The following WWP1 variants were observed in gnomAD, a reference collection of about 807,000 sequenced individuals.
WWP1 encodes WW domain containing E3 ubiquitin protein ligase 1, also known as NEDD4-like E3 ubiquitin-protein ligase WWP1.
A neutral mutation model predicts 130.6 loss-of-function variants in WWP1; 49 were observed. That is an observed-to-expected ratio of 0.38 (90% CI 0.30 to 0.48). The LOEUF is 0.48. Ranked by LOEUF, WWP1 falls within the 20% of genes least tolerant of loss-of-function variation. The pLI is 0.99. For synonymous variants in WWP1, 332 were observed against 367.8 expected, an observed-to-expected ratio of 0.90 and a Z score of 1.11; for missense variants, 809 against 1,100.6, an observed-to-expected ratio of 0.74 and a Z score of 3.75.
chr8:86,433,594 C>T (rs1810115408), intron 14 of WWP1, among the ~76,000 whole-genome samples: 1 of 151,750 alleles, frequency 6.6e-6, no homozygotes, highest in South Asian at 2.1e-4. Flanking sequence ...CCAGCTCTAC[C>T]TGTGATATTC....
chr8:86,351,995 G>T (rs866065871), intron 1 of WWP1, among the ~76,000 whole-genome samples: 2 of 149,604 alleles, frequency 1.3e-5, no homozygotes, highest in African/African-American at 2.5e-5. Flanking sequence ...GTCCTAGTGT[G>T]CTCTGTCAGA....
At chr8:86,430,798 CATATAT>C (rs36226595) in intron 12 of WWP1, 47 bp downstream of exon 12, 2,568 of 199,840 alleles carry the variant, frequency 0.013, 4 homozygotes, top group East Asian at 0.041. Context: ...TATATCTCTC[CATATAT>C]ATATATATAT....
At position 86,448,413 on chromosome 8, in the gene WWP1, T is replaced by G. The variant is rs754375920; in HGVS notation, c.2173T>G (p.Ser725Ala). The G allele has an allele frequency of 6.2e-7, 1 of 1,613,714 alleles. No homozygotes were observed. The highest frequency in any genetic ancestry group is 8.5e-7 in the Non-Finnish European group (1 of 1,179,894). Reference sequence around the variant, plus strand: ...AGAATGTGGCTTAGAAATGTACTTTTCTGTTGACATGGAGATTTTGGGAAA... The same window carrying G: ...AGAATGTGGCTTAGAAATGTACTTTGCTGTTGACATGGAGATTTTGGGAAA... ...IEECGLEMYF[S>A]VDMEILGKVT... The change falls in exon 20 of 25, where the codon TCT (serine) becomes GCT (alanine). Residue 725 changes from serine to alanine, a missense_variant. Transcript: ENST00000517970.
At chr8:86,362,644 G>A (rs1823738296) in intron 1 of WWP1, among the ~76,000 whole-genome samples, 1 of 152,116 alleles carries the variant, frequency 6.6e-6, no homozygotes, top group South Asian at 2.1e-4. Flanking sequence ...GACCAAAAAA[G>A]GAGGGTTTAA....
intron 5 of WWP1, among the ~76,000 whole-genome samples, chr8:86,397,047 G>A (rs979769950): frequency 6.6e-5 from 10 of 152,144 alleles, no homozygotes; most frequent in Non-Finnish European, 1.0e-4. Context: ...TTTCTGTCCG[G>A]TGATTAGTAG....
chr8:86,344,725 T>C (rs997024231), intron 1 of WWP1, among the ~76,000 whole-genome samples: 1 of 152,090 alleles, frequency 6.6e-6, no homozygotes, highest in Non-Finnish European at 1.5e-5. Flanking sequence ...ATTATGACTT[T>C]GGATAGGCAG....
chr8:86,442,426 A>C (rs1810641038), intron 17 of WWP1, 193 bp from the exon 18 acceptor site: 2 of 411,754 alleles, frequency 4.9e-6, no homozygotes, highest in South Asian at 7.5e-5. Context: ...TAGTTTGGCC[A>C]CATCGAAACT....
At chr8:86,383,881 C>T (rs1288855608) in intron 5 of WWP1, among the ~76,000 whole-genome samples, 1 of 152,182 alleles carries the variant, frequency 6.6e-6, no homozygotes, top group East Asian at 1.9e-4. Context: ...GCATCCTGCA[C>T]ACCTAAGAAG....
intron 10 of WWP1, 21 bp from the exon 11 acceptor site, chr8:86,427,619 TTTA>T (rs750932311): frequency 1.1e-5 from 17 of 1,568,182 alleles, no homozygotes; most frequent in Non-Finnish European, 1.5e-5. Flanking sequence ...GAGATTATTG[TTTA>T]TTATTGTTTA....
rs372528445 is a variant in WWP1, at chr8:86,410,818, T to G, written c.725-720T>G. On this transcript the variant is annotated intron_variant, in intron 8 of 24. Transcript: ENST00000517970. ...TCCAGTAGCATTTAATCTGAGTGTT[T>G]TCTTTTTGTCATTAATTCTCCTAAA... Among the ~76,000 whole-genome samples the G allele has an allele frequency of 1.4e-4, 22 of 152,270 alleles. No homozygotes were observed. The South Asian group carries it at 4.1e-3, about 29-fold the overall frequency.
chr8:86,414,237 G>A (rs1480395933), intron 9 of WWP1, among the ~76,000 whole-genome samples: 1 of 151,134 alleles, frequency 6.6e-6, no homozygotes, highest in African/African-American at 2.4e-5. Context: ...CTGTGTGTGT[G>A]TGTGTGTGTG....
chr8:86,443,220 A>G (rs6981299), intron 18 of WWP1, among the ~76,000 whole-genome samples: 95,370 of 151,750 alleles, frequency 0.63, 30,844 homozygotes, highest in African/African-American at 0.78. Flanking sequence ...CTACAGGCTC[A>G]CACCACCATG....
In WWP1 at chr8:86,467,963, C is replaced by T. The variant is rs991664234; in HGVS notation, c.*1070C>T. Reference sequence around the variant, plus strand: ...TAACCATATGAAAAATCTTTTGGGTCTCCCCCTTTTTACACAGATAATTAT... The same window carrying T: ...TAACCATATGAAAAATCTTTTGGGTTTCCCCCTTTTTACACAGATAATTAT... On this transcript the variant is annotated 3_prime_UTR_variant, in exon 25 of 25. Transcript: ENST00000517970. The T allele has an allele frequency of 2.0e-5, 3 of 153,146 alleles. No individual in the cohort carries two copies. Among genetic ancestry groups the T allele is most frequent in the South Asian group, 2.0e-4 (1 of 4,924 alleles). 9.5% of individuals were successfully genotyped at this position (153,146 alleles called of 1,614,324 possible). A position where few individuals can be genotyped will look rare whatever the true frequency, so the allele number is the denominator to read the frequency against.
At chr8:86,375,121 G>T (rs1484448789) in intron 3 of WWP1, among the ~76,000 whole-genome samples, 1 of 151,790 alleles carries the variant, frequency 6.6e-6, no homozygotes, top group African/African-American at 2.4e-5. Flanking sequence ...AGAAGGAGGT[G>T]AAAAAAAGGT....
chr8:86,357,662 C>A (rs1586248574), intron 1 of WWP1, among the ~76,000 whole-genome samples: 1 of 152,160 alleles, frequency 6.6e-6, no homozygotes, highest in African/African-American at 2.4e-5. Flanking sequence ...GTTTTGATGA[C>A]AAAAGTTTAA....
chr8:86,362,268 C>CT (rs1295157535), intron 1 of WWP1, among the ~76,000 whole-genome samples: 61 of 123,678 alleles, frequency 4.9e-4, no homozygotes, highest in South Asian at 1.1e-3. Flanking sequence ...TATTGATCAC[C>CT]TTTTTTTTTT....
intron 9 of WWP1, among the ~76,000 whole-genome samples, chr8:86,421,840 T>G (rs1809231257): frequency 6.6e-6 from 1 of 152,120 alleles, no homozygotes; most frequent in Admixed American, 6.6e-5. Context: ...AAAAATTTTT[T>G]TTGAAAATAT....
At chr8:86,355,491 A>G (rs1823201586) in intron 1 of WWP1, among the ~76,000 whole-genome samples, 1 of 152,214 alleles carries the variant, frequency 6.6e-6, no homozygotes, top group South Asian at 2.1e-4. Flanking sequence ...CAAATATACT[A>G]TTAAAATATC....
intron 5 of WWP1, among the ~76,000 whole-genome samples, chr8:86,385,087 C>A (rs1213055939): frequency 4.6e-5 from 7 of 151,818 alleles, no homozygotes; most frequent in African/African-American, 1.7e-4. Context: ...AACATGACAT[C>A]CTAGTGTTGA....
Sources: gnomAD v4.1 joint callset for allele counts (sites outside exome capture counted in the v4.1 genomes callset) on GRCh38, gnomAD v4.1.1 for gene constraint, MANE v1.5 for transcripts, NCBI Gene and HGNC (gene_info 2026-07-23, HGNC 2026-07-21) for gene names.